Variants in OMA1 observed in about 807,000 individuals in gnomAD.
OMA1 encodes OMA1 zinc metallopeptidase.
Under a neutral mutation model 30.9 loss-of-function variants are expected in OMA1, and 38 were observed. The ratio of observed to expected loss-of-function variants is 1.23; its 90% CI spans 0.95 to 1.61. OMA1 has a LOEUF of 1.61. OMA1 is among the 40% of genes most tolerant of loss of function. The pLI, the probability that OMA1 is intolerant of heterozygous loss-of-function variation, is 0.00. For missense variants in OMA1, 461 were observed against 349.2 expected, an observed-to-expected ratio of 1.32 and a Z score of -2.55; for synonymous variants, 173 against 121.9, an observed-to-expected ratio of 1.42 and a Z score of -2.76.
chr1:58,530,605 T>C lies in OMA1; in HGVS notation c.1136A>G (p.Gln379Arg). The C allele has an allele frequency of 1.1e-6, 1 of 871,774 alleles. No homozygotes were observed. The highest frequency in any genetic ancestry group is 2.0e-6 in the Non-Finnish European group (1 of 500,978). The allele number at this position is 871,774 out of a possible 1,614,324, so 54.0% of individuals were successfully genotyped here. A position where few individuals can be genotyped will look rare whatever the true frequency, so the allele number is the denominator to read the frequency against. The change falls in exon 6 of 9, where the codon CAG becomes CGG. Residue 379 changes from glutamine to arginine, a missense_variant. Coordinates refer to ENST00000371226, the MANE Select transcript of OMA1 (RefSeq NM_145243.5). ...LLCQWIQSKLQEYMFNRPYSR... is the reference protein window; with the variant it reads ...LLCQWIQSKLREYMFNRPYSR... ...AAGTTATTGTCTCAGACTTACCTCC[T>C]GCAATTTAGACTGTATCCACTGGCA...
At chr1:58,524,329 C>T (rs1646316286) in intron 7 of OMA1, among the ~76,000 whole-genome samples, 1 of 152,190 alleles carries the variant, frequency 6.6e-6, no homozygotes, top group Non-Finnish European at 1.5e-5. Flanking sequence ...AGCTGCTTCT[C>T]CTGTTATCTT....
rs1158076247 is a variant in OMA1, at chr1:58,533,965, T to C, written c.999A>G (p.Val333=). 9 of 872,398 alleles carry C rather than the reference T, an allele frequency of 1.0e-5. No homozygotes were observed. The highest frequency in any genetic ancestry group is 1.6e-5 in the African/African-American group (1 of 61,320). 54.0% of individuals were successfully genotyped at this position (872,398 alleles called of 1,614,324 possible). ...TTTAGGTACTTACAGCATGCCCAAG[T>C]ACTGCATGTGCTATTTCATGGCCCA... ...FLLGHEIAHA[V]LGHAAEKAGM... Residue 333 remains valine (V), a synonymous_variant, in exon 5 of 9, where the codon GTA becomes GTG. Coordinates refer to ENST00000371226, the MANE Select transcript of OMA1 (RefSeq NM_145243.5).
chr1:58,532,688 CA>C (rs1646453710), intron 5 of OMA1, among the ~76,000 whole-genome samples: 1 of 152,060 alleles, frequency 6.6e-6, no homozygotes, highest in Non-Finnish European at 1.5e-5. Context: ...CCACCATGCT[CA>C]GCTAATTTTT....
intron 8 of OMA1, among the ~76,000 whole-genome samples, chr1:58,490,027 C>G (rs1371168020): frequency 6.6e-6 from 1 of 152,230 alleles, no homozygotes; most frequent in Admixed American, 6.5e-5. Flanking sequence ...TTCTAAAAAT[C>G]AGAGTGCCTC....
intron 7 of OMA1, 115 bp from the exon 8 acceptor site, chr1:58,506,324 A>G (rs771553829): frequency 1.6e-6 from 1 of 612,974 alleles, no homozygotes; most frequent in Non-Finnish European, 2.8e-6. Context: ...TTTAGGGTAC[A>G]TGTGCACAAC....
chr1:58,483,080 G>A (rs548792975), intron 8 of OMA1, among the ~76,000 whole-genome samples: 1 of 152,256 alleles, frequency 6.6e-6, no homozygotes, highest in South Asian at 2.1e-4. Flanking sequence ...GGAAGTCCAG[G>A]TACAAAACTA....
intron 7 of OMA1, among the ~76,000 whole-genome samples, chr1:58,507,422 C>T (rs958413415): frequency 2.0e-5 from 3 of 151,778 alleles, no homozygotes; most frequent in Non-Finnish European, 4.4e-5. Flanking sequence ...TAACAAATAC[C>T]ATTAAAGCAT....
chr1:58,525,328 G>A (rs188608561), intron 7 of OMA1, among the ~76,000 whole-genome samples: 199 of 124,330 alleles, frequency 1.6e-3, no homozygotes, highest in Admixed American at 3.4e-3. Context: ...ATGTATAAGT[G>A]GATCTACACA....
At chr1:58,516,921 C>T (rs1315256858) in intron 7 of OMA1, among the ~76,000 whole-genome samples, 1 of 152,066 alleles carries the variant, frequency 6.6e-6, no homozygotes, top group East Asian at 1.9e-4. Context: ...ACAGAGGAAG[C>T]CAGGCTGTAA....
At chr1:58,481,531 G>C (rs1645482279) in intron 8 of OMA1, among the ~76,000 whole-genome samples, 1 of 152,152 alleles carries the variant, frequency 6.6e-6, no homozygotes, top group Non-Finnish European at 1.5e-5. Flanking sequence ...CTCTATGAGA[G>C]ATTTTTTTCA....
chr1:58,530,804 A>C, intron 5 of OMA1, 75 bp from the exon 6 acceptor site: 1 of 771,730 alleles, frequency 1.3e-6, no homozygotes, highest in South Asian at 1.5e-5. Context: ...CTAGTTCATC[A>C]TGTGTTACAA....
At chr1:58,486,595 G>A (rs545385263) in intron 8 of OMA1, among the ~76,000 whole-genome samples, 57 of 152,264 alleles carry the variant, frequency 3.7e-4, no homozygotes, top group Admixed American at 1.4e-3. Flanking sequence ...TATGGATACA[G>A]CAGTGTACAA....
chr1:58,502,686 A>T (rs927760987), intron 8 of OMA1, among the ~76,000 whole-genome samples: 1 of 152,234 alleles, frequency 6.6e-6, no homozygotes, highest in Non-Finnish European at 1.5e-5. Flanking sequence ...TTCTTTCATT[A>T]TATGTCAGAA....
chr1:58,489,302 G>T (rs957016776), intron 8 of OMA1, among the ~76,000 whole-genome samples: 1 of 152,184 alleles, frequency 6.6e-6, no homozygotes, highest in Non-Finnish European at 1.5e-5. Flanking sequence ...TATATCCCAC[G>T]CCTGGCTCAA....
intron 8 of OMA1, among the ~76,000 whole-genome samples, chr1:58,490,710 C>A (rs919700570): frequency 1.4e-5 from 2 of 145,488 alleles, no homozygotes; most frequent in Admixed American, 1.4e-4. Flanking sequence ...GGGTTACCCA[C>A]AAAGGGAAGC....
rs781673594 is a variant in OMA1 at position 58,481,194 on chromosome 1, TAAAAA to T, written c.1366-25_1366-21del. On this transcript the variant is annotated intron_variant, in intron 8 of 8. Transcript: ENST00000371226. ...GAGAGCCTATAAAGAAATAATAAAA[TAAAAA>T]AATACTATATATATACATCAATGTA... 2.7e-6 allele frequency: 2 copies of T among 754,552 alleles called. No individual in the cohort carries two copies. The highest frequency in any genetic ancestry group is 3.5e-5 in the South Asian group (2 of 56,740). 46.7% of individuals were successfully genotyped at this position (754,552 alleles called of 1,614,324 possible).
intron 7 of OMA1, among the ~76,000 whole-genome samples, chr1:58,521,217 C>T (rs56381640): frequency 5.3e-5 from 8 of 151,724 alleles, no homozygotes; most frequent in South Asian, 2.1e-4. Context: ...GAAACCACAG[C>T]GAAAACAAGA....
chr1:58,484,064 T>C (rs1390863030), intron 8 of OMA1, among the ~76,000 whole-genome samples: 4 of 152,212 alleles, frequency 2.6e-5, no homozygotes, highest in Non-Finnish European at 5.9e-5. Context: ...TAAAAACTCT[T>C]CTCTTATCCT....
At chr1:58,493,717 G>T (rs1427915358) in intron 8 of OMA1, among the ~76,000 whole-genome samples, 1 of 151,762 alleles carries the variant, frequency 6.6e-6, no homozygotes, top group Admixed American at 6.6e-5. Context: ...CAAGGGATGT[G>T]AAGGACCTCT....
Sources: allele counts gnomAD v4.1 joint callset (sites outside exome capture counted in the v4.1 genomes callset), GRCh38; gene constraint gnomAD v4.1.1; transcripts MANE v1.5; gene names NCBI Gene and HGNC (gene_info 2026-07-23, HGNC 2026-07-21).